The following CCDC47 variants were observed in gnomAD, a reference collection of about 807,000 sequenced individuals.
CCDC47 encodes PAT complex subunit CCDC47.
CCDC47 carries 41 observed loss-of-function variants against 60.5 expected under a neutral mutation model. The ratio of observed to expected loss-of-function variants is 0.68; its 90% confidence interval spans 0.53 to 0.88. The LOEUF (loss-of-function observed/expected upper bound fraction) is 0.88. Ranked by LOEUF, CCDC47 falls within the 40% of genes least tolerant of loss-of-function variation. The pLI, the probability that CCDC47 is intolerant of heterozygous loss-of-function variation, is 0.00. For missense variants in CCDC47, 513 were observed against 580.9 expected (o/e 0.88, Z 1.20); for synonymous variants, 195 against 190.7 (o/e 1.02, Z -0.18).
intron 3 of CCDC47, 41 bp downstream of exon 3, chr17:63,764,698 AT>A: frequency 6.5e-7 from 1 of 1,534,166 alleles, no homozygotes; most frequent in Non-Finnish European, 9.0e-7. Context: ...ATGACAAGAC[AT>A]TTTGTTGTTT....
chr17:63,749,849 G>A (rs987053302), intron 12 of CCDC47, among the ~76,000 whole-genome samples: 2 of 152,150 alleles, frequency 1.3e-5, no homozygotes, highest in Admixed American at 1.3e-4. Flanking sequence ...CAGCATATTG[G>A]GAGGCCGAAG....
chr17:63,757,559 G>A (rs1308430752), intron 6 of CCDC47, among the ~76,000 whole-genome samples: 1 of 152,032 alleles, frequency 6.6e-6, no homozygotes, highest in Non-Finnish European at 1.5e-5. Context: ...CTTCTGACCT[G>A]CAGAAACGGT....
In CCDC47 at chr17:63,745,958, T is replaced by G. The variant is rs2039117358; in HGVS notation, c.*923A>C. On this transcript the variant is annotated 3_prime_UTR_variant, in exon 13 of 13. Transcript: ENST00000225726. ...GAAAGAACATACCCAGCCTCAACTG[T>G]GGAAAAGATAAAAGCAGAGGGAGAA... The G allele has an allele frequency of 6.6e-6, 1 of 152,058 alleles. No individual in the cohort carries two copies. The highest frequency in any genetic ancestry group is 2.4e-5 in the African/African-American group (1 of 41,374). The allele number at this position is 152,058 out of a possible 1,614,324, so 9.4% of individuals were successfully genotyped here. A position where few individuals can be genotyped will look rare whatever the true frequency, so the allele number is the denominator to read the frequency against.
In CCDC47 at chr17:63,746,955, C is replaced by A. The variant is rs747056842; in HGVS notation, c.1378G>T (p.Ala460Ser). The A allele has an allele frequency of 1.2e-6, 2 of 1,613,182 alleles. No homozygotes were observed. The highest frequency in any genetic ancestry group is 1.7e-6 in the Non-Finnish European group (2 of 1,179,602). The change falls in exon 13 of 13, where the codon GCA becomes TCA. Residue 460 changes from alanine (A) to serine (S), a missense_variant. Ala to Ser is a moderately conservative substitution (Grantham distance 99). Transcript: ENST00000225726. Reference protein sequence around the residue: ...PEKQRRLEEAALRREQKKLEK... With the variant: ...PEKQRRLEEASLRREQKKLEK... ...AACTTCTTTTGCTCACGCCTCAATGCAGCCTCCTAGAGAAAGAAGGGGTAA... is the reference window on the plus strand; with the variant it reads ...AACTTCTTTTGCTCACGCCTCAATGAAGCCTCCTAGAGAAAGAAGGGGTAA...
intron 12 of CCDC47, among the ~76,000 whole-genome samples, chr17:63,751,413 T>A (rs1479252106): frequency 4.5e-5 from 5 of 111,680 alleles, no homozygotes; most frequent in Non-Finnish European, 9.5e-5. Flanking sequence ...AATTTAGAGC[T>A]GGACTATGGC....
chr17:63,760,062 C>CAAAAAAAAAAAA (rs10643408), intron 6 of CCDC47, among the ~76,000 whole-genome samples: 4 of 98,426 alleles, frequency 4.1e-5, no homozygotes, highest in Non-Finnish European at 5.9e-5. Flanking sequence ...GACTCCGTCT[C>CAAAAAAAAAAAA]AAAAAAAAAA....
At chr17:63,752,612 A>G in intron 10 of CCDC47, 129 bp downstream of exon 10, 1 of 981,260 alleles carries the variant, frequency 1.0e-6, no homozygotes. Flanking sequence ...AGAAATCTGG[A>G]AATCAGTAAG....
chr17:63,746,868 C>G lies in CCDC47; in HGVS notation c.*13G>C, dbSNP rs1485229019. 6.2e-7 allele frequency: 1 copy of G among 1,604,672 alleles called. No homozygotes were observed. The highest frequency in any genetic ancestry group is 1.1e-5 in the South Asian group (1 of 90,790). ...TTACAGGTGGCATCAGAACTCAAATCTCTGGGATGGCTTTACATGGCTTTC... is the reference window on the plus strand; with the variant it reads ...TTACAGGTGGCATCAGAACTCAAATGTCTGGGATGGCTTTACATGGCTTTC... On this transcript the variant is annotated 3_prime_UTR_variant, in exon 13 of 13. Transcript: ENST00000225726.
chr17:63,761,207 C>T (rs1377078807), intron 5 of CCDC47, 23 bp downstream of exon 5: 7 of 1,613,636 alleles, frequency 4.3e-6, no homozygotes, highest in East Asian at 2.2e-5. Context: ...AGATATATAT[C>T]GTACAAGAAG....
intron 6 of CCDC47, among the ~76,000 whole-genome samples, chr17:63,757,753 AG>A (rs1422025916): frequency 6.6e-6 from 1 of 152,232 alleles, no homozygotes; most frequent in African/African-American, 2.4e-5. Context: ...CCCAGGTTTC[AG>A]GCACAGAGCT....
intron 1 of CCDC47, among the ~76,000 whole-genome samples, chr17:63,771,943 G>T (rs191411781): frequency 3.3e-5 from 5 of 151,978 alleles, no homozygotes; most frequent in African/African-American, 1.2e-4. Context: ...TTAGCCGGGC[G>T]TGGTGGCAGG....
At position 63,764,088 on chromosome 17, in the gene CCDC47, T is replaced by C; in HGVS notation, c.475A>G (p.Lys159Glu). ...YIMNYIIGKNKNSRLAQAWFN... is the reference protein window; with the variant it reads ...YIMNYIIGKNENSRLAQAWFN... Reference sequence around the variant, plus strand: ...CAGGCCTGTGCAAGGCGACTGTTTTTATTCTTCCCAATGATGTAATTCATG... The same window carrying C: ...CAGGCCTGTGCAAGGCGACTGTTTTCATTCTTCCCAATGATGTAATTCATG... The change falls in exon 4 of 13, where the codon AAA (lysine) becomes GAA (glutamate). Residue 159 changes from lysine (K) to glutamate (E), a missense_variant. Coordinates refer to ENST00000225726, the MANE Select transcript of CCDC47 (RefSeq NM_020198.3). 1.9e-6 allele frequency: 3 copies of C among 1,613,550 alleles called. No individual in the cohort carries two copies. The highest frequency in any genetic ancestry group is 2.5e-6 in the Non-Finnish European group (3 of 1,179,918).
chr17:63,765,054 C>T (rs989779633), intron 2 of CCDC47: 1 of 655,764 alleles, frequency 1.5e-6, no homozygotes, highest in African/African-American at 2.0e-5. Flanking sequence ...AGCAAGGTGA[C>T]TACAGTTAAT....
At chr17:63,762,328 G>A in intron 4 of CCDC47, 1 of 751,072 alleles carries the variant, frequency 1.3e-6, no homozygotes, top group Non-Finnish European at 1.6e-6. Context: ...AACATACTCT[G>A]AAATACTATG....
At chr17:63,772,214 G>A (rs1251674867) in intron 1 of CCDC47, among the ~76,000 whole-genome samples, 1 of 151,712 alleles carries the variant, frequency 6.6e-6, no homozygotes, top group Non-Finnish European at 1.5e-5. Context: ...TGCCTCTTAG[G>A]GCTGCAGTGG....
chr17:63,766,974 T>G (rs1275000258), intron 1 of CCDC47: 1 of 979,436 alleles, frequency 1.0e-6, no homozygotes, highest in African/African-American at 1.8e-5. Flanking sequence ...GAGCAAACAC[T>G]TAAATCACTA....
At position 63,761,030 on chromosome 17, in the gene CCDC47, A is replaced by AT. The variant is rs142732544; in HGVS notation, c.670-52dup. 6.4e-3 allele frequency: 9,546 copies of AT among 1,503,198 alleles called. 530 individuals are homozygous for AT. The African/African-American group carries it at 0.12, about 18-fold the overall frequency. 93.1% of individuals were successfully genotyped at this position (1,503,198 alleles called of 1,614,324 possible). On this transcript the variant is annotated intron_variant, in intron 5 of 12. Transcript: ENST00000225726. The stretch of plus-strand genomic sequence containing the variant: ...AATCCAACTGCAACTCCTACTTAGT[A>AT]TAAAAAAAAGGCCTTGAAGGAGAAT...
Position 63,752,646 on chromosome 17 carries a change from C to T in CCDC47, c.1093+95G>A, listed in dbSNP as rs1293930535. The T allele has an allele frequency of 2.0e-5, 25 of 1,275,624 alleles. No individual in the cohort carries two copies. In the South Asian group the frequency reaches 2.0e-4, roughly 10 times the overall value. 79.0% of individuals were successfully genotyped at this position (1,275,624 alleles called of 1,614,324 possible). A position where few individuals can be genotyped will look rare whatever the true frequency, so the allele number is the denominator to read the frequency against. On this transcript the variant is annotated intron_variant, in intron 10 of 12. Transcript: ENST00000225726. ...AGCAAGCACAGGCTTATAGTTTTGACGTAGTTTTAAAGCTATCATTTAGGA... is the reference window on the plus strand; with the variant it reads ...AGCAAGCACAGGCTTATAGTTTTGATGTAGTTTTAAAGCTATCATTTAGGA...
intron 4 of CCDC47, 162 bp from the exon 5 acceptor site, chr17:63,761,513 C>T (rs1272171758): frequency 5.8e-6 from 2 of 343,390 alleles, no homozygotes; most frequent in Non-Finnish European, 9.2e-6. Context: ...AACCCTGTCC[C>T]TACTAAAAAA....
Sources: gnomAD v4.1 joint callset for allele counts (sites outside exome capture counted in the v4.1 genomes callset) on GRCh38, gnomAD v4.1.1 for gene constraint, MANE v1.5 for transcripts, NCBI Gene and HGNC (gene_info 2026-07-23, HGNC 2026-07-21) for gene names.